Variants in TRAIP observed in about 807,000 individuals in gnomAD.
The protein encoded by TRAIP is E3 ubiquitin-protein ligase TRAIP.
In TRAIP, 37 loss-of-function variants were observed where a neutral mutation model predicts 65.0. The observed-to-expected ratio is 0.57, with a 90% CI of 0.44 to 0.75. The LOEUF (loss-of-function observed/expected upper bound fraction) is 0.75, where lower values mean the gene tolerates loss of function less well. Ranked by LOEUF, TRAIP falls within the 30% of genes least tolerant of loss-of-function variation. TRAIP has a pLI of 0.00. For missense variants in TRAIP, 481 were observed against 579.4 expected (o/e 0.83, Z 1.74); for synonymous variants, 187 against 219.1 (o/e 0.85, Z 1.29).
chr3:49,842,289 G>C (rs2081845916), intron 6 of TRAIP, among the ~76,000 whole-genome samples, 164 bp downstream of exon 6: 1 of 152,044 alleles, frequency 6.6e-6, no homozygotes, highest in African/African-American at 2.4e-5. Flanking sequence ...GTTCATAGAG[G>C]CTAAGATCTG....
At chr3:49,834,175 T>G (rs1266390569) in intron 10 of TRAIP, among the ~76,000 whole-genome samples, 1 of 152,216 alleles carries the variant, frequency 6.6e-6, no homozygotes, top group Non-Finnish European at 1.5e-5. Flanking sequence ...TCTCCCTGGC[T>G]GTCTCTAGCC....
intron 3 of TRAIP, among the ~76,000 whole-genome samples, chr3:49,846,234 A>G (rs1043795473): frequency 1.3e-5 from 2 of 151,836 alleles, no homozygotes; most frequent in Non-Finnish European, 1.5e-5. Flanking sequence ...TTTTCTTTTA[A>G]CTTTTTTTAT....
chr3:49,844,624 C>T lies in TRAIP; in HGVS notation c.241-44G>A, dbSNP rs764473597. 2.5e-6 allele frequency: 4 copies of T among 1,611,914 alleles called. No individual in the cohort carries two copies. In the Admixed American group the frequency reaches 6.7e-5, roughly 27 times the overall value. On this transcript the variant is annotated intron_variant, in intron 3 of 14. Transcript: ENST00000331456. ...AATAAGCAGCAGGAAAGCATCATAG[C>T]TGACCTCCACGTGGTCTCCCATAAG...
In TRAIP at chr3:49,839,001, C is replaced by G. The variant is rs370778535; in HGVS notation, c.884+771G>C. Among the ~76,000 whole-genome samples, 12 of 151,504 alleles carry G rather than the reference C, an allele frequency of 7.9e-5. No individual in the cohort carries two copies. In the East Asian group the frequency reaches 2.1e-3, roughly 27 times the overall value. ...GTCAGGAGATCGAGACCATCCTGGCCAACATGGTGAAACCCCGTCTCTACT... is the reference window on the plus strand; with the variant it reads ...GTCAGGAGATCGAGACCATCCTGGCGAACATGGTGAAACCCCGTCTCTACT... On this transcript the variant is annotated intron_variant, in intron 10 of 14. Transcript: ENST00000331456.
intron 3 of TRAIP, 114 bp downstream of exon 3, chr3:49,847,411 A>C (rs1465478769): frequency 1.3e-6 from 1 of 744,674 alleles, no homozygotes; most frequent in South Asian, 1.7e-5. Context: ...AAAAGAAAAG[A>C]AAAGAGAAAA....
At position 49,839,787 on chromosome 3, in the gene TRAIP, C is replaced by A; in HGVS notation, c.869G>T (p.Arg290Leu). Residue 290 changes from arginine (R) to leucine (L), a missense_variant, in exon 10 of 15, where the codon CGC becomes CTC. Coordinates refer to ENST00000331456, the MANE Select transcript of TRAIP (RefSeq NM_005879.3). Reference protein sequence around the residue: ...LPPVASETVDRLVLESPAPVE... With the variant: ...LPPVASETVDLLVLESPAPVE... ...CTCAACAAACCTCTCTAAAACCAGG[C>A]GGTCGACAGTCTCACTGGCCACTGG... is the stretch of plus-strand genomic sequence containing the variant. 6.2e-7 allele frequency: 1 copy of A among 1,614,210 alleles called. No homozygotes were observed. Among genetic ancestry groups the A allele is most frequent in the Non-Finnish European group, 8.5e-7 (1 of 1,180,012 alleles).
chr3:49,831,799 A>G (rs1172390793), intron 11 of TRAIP, 117 bp downstream of exon 11: 2 of 1,240,878 alleles, frequency 1.6e-6, no homozygotes, highest in African/African-American at 3.1e-5. Context: ...GCCATGGCCA[A>G]GCCTAGGCAA....
chr3:49,851,779 C>T (rs1307009719), intron 1 of TRAIP, among the ~76,000 whole-genome samples: 2 of 151,192 alleles, frequency 1.3e-5, no homozygotes, highest in African/African-American at 4.9e-5. Flanking sequence ...TCACTGCAAC[C>T]TCCACCTCCT....
At chr3:49,854,020 A>AC (rs2081953527) in intron 1 of TRAIP, among the ~76,000 whole-genome samples, 1 of 152,092 alleles carries the variant, frequency 6.6e-6, no homozygotes. Flanking sequence ...TCCAAACAAA[A>AC]ACTTTACTTA....
rs758248398 is a variant in TRAIP at position 49,839,754 on chromosome 3, G to A, written c.884+18C>T. On this transcript the variant is annotated intron_variant, in intron 10 of 14. Transcript: ENST00000331456. ...TCTCCCACCTTGTGACCCCTGTACCGCCCAAGGCTCAACAAACCTCTCTAA... is the reference window on the plus strand; with the variant it reads ...TCTCCCACCTTGTGACCCCTGTACCACCCAAGGCTCAACAAACCTCTCTAA... 32 of 1,611,186 alleles carry A rather than the reference G, an allele frequency of 2.0e-5. No individual in the cohort carries two copies. In the East Asian group the frequency reaches 4.2e-4, roughly 21 times the overall value.
At chr3:49,832,558 C>T (rs1021601131) in intron 10 of TRAIP, among the ~76,000 whole-genome samples, 2 of 150,948 alleles carry the variant, frequency 1.3e-5, no homozygotes, top group African/African-American at 4.9e-5. Context: ...ATGTATAGTG[C>T]AATTACATGA....
chr3:49,843,535 C>T, intron 5 of TRAIP: 1 of 363,034 alleles, frequency 2.8e-6, no homozygotes, highest in Non-Finnish European at 5.1e-6. Flanking sequence ...AGTTGAGCAT[C>T]CCCTCTGTGA....
intron 10 of TRAIP, 26 bp from the exon 11 acceptor site, chr3:49,832,094 T>C (rs771493165): frequency 6.4e-7 from 1 of 1,555,848 alleles, no homozygotes; most frequent in African/African-American, 1.4e-5. Flanking sequence ...ACCTGGTTAC[T>C]TGGGGCCACA....
At chr3:49,830,184 G>A in intron 11 of TRAIP, 116 bp from the exon 12 acceptor site, 2 of 1,167,512 alleles carry the variant, frequency 1.7e-6, no homozygotes, top group Non-Finnish European at 2.5e-6. Flanking sequence ...TGCCATGCCT[G>A]CATTCTGGGC....
chr3:49,831,890 G>A, intron 11 of TRAIP, 26 bp downstream of exon 11: 1 of 1,525,718 alleles, frequency 6.6e-7, no homozygotes, highest in Non-Finnish European at 8.8e-7. Context: ...ACCAGCCCAT[G>A]GACAGTGCCA....
intron 5 of TRAIP, 105 bp from the exon 6 acceptor site, chr3:49,842,652 G>T: frequency 9.3e-7 from 1 of 1,070,568 alleles, no homozygotes. Context: ...CTTATGTTTT[G>T]AAAATGCTGA....
intron 14 of TRAIP, 23 bp from the exon 15 acceptor site, chr3:49,829,248 G>A (rs1239924524): frequency 6.8e-6 from 11 of 1,614,230 alleles, no homozygotes; most frequent in Non-Finnish European, 9.3e-6. Context: ...TCAAGGAAGA[G>A]GCATGGAGAA....
Position 49,829,239 on chromosome 3 carries a change from CAAGG to C in TRAIP, c.1288-18_1288-15del. 6.2e-7 allele frequency: 1 copy of C among 1,614,116 alleles called. No individual in the cohort carries two copies. ...GACTGTGTCAGTCTGGAGGAGCTGT[CAAGG>C]AAGAGGCATGGAGAAAGGACTGCAA... On this transcript the variant is annotated splice_polypyrimidine_tract_variant and intron_variant, in intron 14 of 14. Coordinates refer to ENST00000331456, the MANE Select transcript of TRAIP (RefSeq NM_005879.3).
chr3:49,845,855 C>G (rs1478619738), intron 3 of TRAIP, among the ~76,000 whole-genome samples: 1 of 152,198 alleles, frequency 6.6e-6, no homozygotes, highest in Non-Finnish European at 1.5e-5. Context: ...GATGAACATG[C>G]TTGCTCTAAG....
Sources: gnomAD v4.1 joint callset for allele counts (sites outside exome capture counted in the v4.1 genomes callset) on GRCh38, gnomAD v4.1.1 for gene constraint, MANE v1.5 for transcripts, NCBI Gene and HGNC (gene_info 2026-07-23, HGNC 2026-07-21) for gene names.